PTHLH: variants seen among roughly 807,000 people sequenced by gnomAD.
The protein encoded by PTHLH is parathyroid hormone-related protein.
Under a neutral mutation model 18.6 loss-of-function variants are expected in PTHLH, and 5 were observed. That is an observed-to-expected ratio of 0.27 (90% CI 0.14 to 0.56). PTHLH has a LOEUF of 0.56. Ranked by LOEUF, PTHLH falls within the 20% of genes least tolerant of loss-of-function variation. The pLI is 0.92. For synonymous variants in PTHLH, 90 were observed against 94.0 expected (o/e 0.96, Z 0.25); for missense variants, 207 against 223.9 (o/e 0.92, Z 0.48).
At chr12:27,968,929 A>G (rs1439119637) in intron 4 of PTHLH, among the ~76,000 whole-genome samples, 1 of 152,154 alleles carries the variant, frequency 6.6e-6, no homozygotes, top group African/African-American at 2.4e-5. Flanking sequence ...AAATTATGTC[A>G]TTCATAATAA....
intron 5 of PTHLH, among the ~76,000 whole-genome samples, chr12:27,961,307 A>ATATACGTATATATATATACACG (rs1316280843): frequency 4.7e-5 from 3 of 63,254 alleles, no homozygotes; most frequent in Admixed American, 1.8e-4. Flanking sequence ...ATACGTATAT[A>ATATACGTATATATATATACACG]TATATATATA....
chr12:27,970,267 C>A lies in PTHLH; in HGVS notation c.-265G>T. ...GAATGTTCACACGCTCCGAGGCAAACCTGCCGGAGAAGTGAGCTAGTCGCA... is the reference window on the plus strand; with the variant it reads ...GAATGTTCACACGCTCCGAGGCAAAACTGCCGGAGAAGTGAGCTAGTCGCA... On this transcript the variant is annotated splice_region_variant and 5_prime_UTR_variant, in exon 3 of 6. Coordinates refer to ENST00000545234, the MANE Select transcript of PTHLH (RefSeq NM_198965.2). 2.4e-6 allele frequency: 1 copy of A among 409,656 alleles called. No individual in the cohort carries two copies. Among genetic ancestry groups the A allele is most frequent in the Non-Finnish European group, 4.9e-6 (1 of 205,472 alleles). The allele number at this position is 409,656 out of a possible 1,614,324, so 25.4% of individuals were successfully genotyped here.
intron 4 of PTHLH, among the ~76,000 whole-genome samples, chr12:27,966,628 C>T (rs997200): frequency 0.55 from 82,937 of 151,994 alleles, 22,647 homozygotes; most frequent in East Asian, 0.59. Flanking sequence ...CATTACATAG[C>T]ACTATGGTTC....
At position 27,958,427 on chromosome 12, in the gene PTHLH, G is replaced by T; in HGVS notation, c.*132C>A. On this transcript the variant is annotated 3_prime_UTR_variant, in exon 6 of 6. Coordinates refer to ENST00000545234, the MANE Select transcript of PTHLH (RefSeq NM_198965.2). Reference sequence around the variant, plus strand: ...ACAATGACCAATGTGCAGTTTCATAGAGCAATGGGGGAGACAGTTTTATTC... The same window carrying T: ...ACAATGACCAATGTGCAGTTTCATATAGCAATGGGGGAGACAGTTTTATTC... The T allele has an allele frequency of 1.2e-6, 1 of 803,170 alleles. No homozygotes were observed. The highest frequency in any genetic ancestry group is 3.5e-5 in the South Asian group (1 of 28,592). 49.8% of individuals were successfully genotyped at this position (803,170 alleles called of 1,614,324 possible). A position where few individuals can be genotyped will look rare whatever the true frequency, so the allele number is the denominator to read the frequency against.
intron 5 of PTHLH, 172 bp downstream of exon 5, chr12:27,963,176 T>G: frequency 6.7e-7 from 1 of 1,495,872 alleles, no homozygotes. Context: ...GGTAGGGGGG[T>G]ACTGCTTTAA....
In PTHLH at chr12:27,969,575, A is replaced by T. The variant is rs752904350; in HGVS notation, c.-22-59T>A. ...TCTGGACTCTCCATCTCCCCGCACT[A>T]CTCCGCTCCCCCTTTTTAGCCCGCT... is the stretch of plus-strand genomic sequence containing the variant. On this transcript the variant is annotated intron_variant, in intron 3 of 5. Coordinates refer to ENST00000545234, the MANE Select transcript of PTHLH (RefSeq NM_198965.2). 627 of 1,344,502 alleles carry T rather than the reference A, an allele frequency of 4.7e-4. 1 individual carries two copies. The highest frequency in any genetic ancestry group is 2.5e-4 in the Non-Finnish European group (245 of 965,502). 83.3% of individuals were successfully genotyped at this position (1,344,502 alleles called of 1,614,324 possible).
At chr12:27,962,872 G>A in intron 5 of PTHLH, 4 of 992,448 alleles carry the variant, frequency 4.0e-6, no homozygotes, top group South Asian at 4.6e-5. Flanking sequence ...GCTCAGAATC[G>A]TTTATGACAT....
chr12:27,965,929 G>A (rs1423170144), intron 4 of PTHLH, among the ~76,000 whole-genome samples: 1 of 152,240 alleles, frequency 6.6e-6, no homozygotes, highest in African/African-American at 2.4e-5. Context: ...CTTAACCACT[G>A]ATAATTTATA....
At chr12:27,969,115 C>T (rs2062843041) in intron 4 of PTHLH, 1 of 457,390 alleles carries the variant, frequency 2.2e-6, no homozygotes, top group Non-Finnish European at 4.0e-6. Context: ...CCACTAGAGG[C>T]AGAGGATCTT....
chr12:27,960,282 C>T (rs961752970), intron 5 of PTHLH, among the ~76,000 whole-genome samples: 7 of 152,176 alleles, frequency 4.6e-5, no homozygotes, highest in Non-Finnish European at 4.4e-5. Context: ...TGATTTCTAA[C>T]AAATGAGTCC....
In PTHLH at chr12:27,961,216, C is replaced by T. The variant is rs536858092; in HGVS notation, c.524+2132G>A. On this transcript the variant is annotated intron_variant, in intron 5 of 5. Transcript: ENST00000545234. ...ATCAATTCTCCAGATACTTAAAGAA[C>T]ATTGCAAATTTGAAATAAATAAAAT... is the stretch of plus-strand genomic sequence containing the variant. 9.7e-4 allele frequency among the ~76,000 whole-genome samples: 143 copies of T among 146,892 alleles called. 3 individuals are homozygous for T. Among genetic ancestry groups the T allele is most frequent in the Admixed American group, 6.3e-4 (9 of 14,274 alleles).
At chr12:27,963,820 T>A (rs1591848626) in intron 4 of PTHLH, 50 bp from the exon 5 acceptor site, 1 of 1,569,092 alleles carries the variant, frequency 6.4e-7, no homozygotes, top group African/African-American at 1.4e-5. Flanking sequence ...TTTTAGTTGC[T>A]GATAGAGACA....
intron 5 of PTHLH, chr12:27,962,351 A>G: frequency 5.3e-6 from 1 of 188,176 alleles, no homozygotes. Flanking sequence ...AGTGTTTACT[A>G]TATGACAGAT....
At chr12:27,970,399 C>G (rs1372689184) in intron 2 of PTHLH, 132 bp from the exon 3 acceptor site, 1 of 148,172 alleles carries the variant, frequency 6.7e-6, no homozygotes, top group Non-Finnish European at 1.5e-5. Flanking sequence ...GAACGGGCCC[C>G]GCGCCGCCCG....
intron 4 of PTHLH, chr12:27,969,153 C>A: frequency 1.8e-6 from 1 of 548,568 alleles, no homozygotes; most frequent in Non-Finnish European, 3.3e-6. Context: ...GTGAAACGCT[C>A]CCTCTTATGG....
chr12:27,962,257 T>TAGATAGAC (rs1438482137), intron 5 of PTHLH: 1 of 293,466 alleles, frequency 3.4e-6, no homozygotes, highest in Non-Finnish European at 6.3e-6. Context: ...GATAGATAGA[T>TAGATAGAC]AGATAGAAAT....
intron 4 of PTHLH, among the ~76,000 whole-genome samples, chr12:27,967,121 C>T (rs560967226): frequency 1.4e-4 from 21 of 152,292 alleles, no homozygotes; most frequent in Non-Finnish European, 2.9e-4. Context: ...CAGCCAATGA[C>T]GTTTTAGGTT....
intron 4 of PTHLH, among the ~76,000 whole-genome samples, chr12:27,966,986 A>G (rs1214690351): frequency 6.6e-6 from 1 of 152,236 alleles, no homozygotes; most frequent in Non-Finnish European, 1.5e-5. Context: ...TGGTACATGC[A>G]AGAGACAGGG....
At chr12:27,960,329 T>C (rs1378499833) in intron 5 of PTHLH, among the ~76,000 whole-genome samples, 3 of 152,204 alleles carry the variant, frequency 2.0e-5, no homozygotes, top group Non-Finnish European at 4.4e-5. Flanking sequence ...GCATTGAAAA[T>C]TCTAAAATAT....
Sources: allele counts gnomAD v4.1 joint callset (sites outside exome capture counted in the v4.1 genomes callset), GRCh38; gene constraint gnomAD v4.1.1; transcripts MANE v1.5; gene names NCBI Gene and HGNC (gene_info 2026-07-23, HGNC 2026-07-21).